The following MAML3 variants were observed in gnomAD, a reference collection of about 807,000 sequenced individuals.
MAML3 encodes the protein mastermind-like protein 3.
MAML3 carries 27 observed loss-of-function variants against 101.9 expected under a neutral mutation model. The ratio of observed to expected loss-of-function variants is 0.27; its 90% confidence interval spans 0.20 to 0.37. The LOEUF is 0.37. MAML3 is among the 10% of genes least tolerant of loss of function. The pLI is 1.00. For synonymous variants in MAML3, 501 were observed against 555.9 expected (o/e 0.90, Z 1.39); for missense variants, 1,316 against 1,444.9 (o/e 0.91, Z 1.45).
chr4:140,071,906 G>A (rs1329957324), intron 1 of MAML3, among the ~76,000 whole-genome samples: 1 of 152,116 alleles, frequency 6.6e-6, no homozygotes, highest in African/African-American at 2.4e-5. Context: ...GGTGTGGGGT[G>A]CAAGAATGTC....
intron 1 of MAML3, among the ~76,000 whole-genome samples, chr4:140,074,195 GAA>G (rs1386067557): frequency 1.1e-4 from 13 of 122,848 alleles, no homozygotes; most frequent in African/African-American, 3.9e-4. Context: ...GAGAGAGAAA[GAA>G]AGAGAAAGAA....
intron 2 of MAML3, chr4:139,794,505 C>G (rs1166148031): frequency 1.3e-5 from 2 of 152,252 alleles, no homozygotes; most frequent in Non-Finnish European, 2.9e-5. Context: ...TCTATATCAA[C>G]TCCCAGGCTT....
intron 1 of MAML3, among the ~76,000 whole-genome samples, chr4:140,076,843 CGTTTTTGTTTTTTTGTTGTT>C (rs1416318611): frequency 6.6e-6 from 1 of 152,044 alleles, no homozygotes; most frequent in Non-Finnish European, 1.5e-5. Context: ...AATCTTATCT[CGTTTTTGTTTTTTTGTTGTT>C]GTTTTTGTTT....
chr4:139,771,417 G>A (rs1238228053), intron 2 of MAML3, among the ~76,000 whole-genome samples: 1 of 152,206 alleles, frequency 6.6e-6, no homozygotes, highest in Non-Finnish European at 1.5e-5. Flanking sequence ...ACATCAGGTA[G>A]TGAAGAAGTT....
intron 1 of MAML3, among the ~76,000 whole-genome samples, chr4:139,999,150 G>A (rs1300247136): frequency 6.6e-6 from 1 of 152,006 alleles, no homozygotes; most frequent in African/African-American, 2.4e-5. Flanking sequence ...TGCATACGTG[G>A]GCAGCCTCAT....
intron 1 of MAML3, among the ~76,000 whole-genome samples, chr4:139,946,819 C>T (rs1733735834): frequency 6.6e-6 from 1 of 150,890 alleles, no homozygotes; most frequent in South Asian, 2.1e-4. Flanking sequence ...TCTAAAACTA[C>T]CTTATATCAA....
In MAML3 at chr4:139,735,155, T is replaced by C. The variant is rs889813270; in HGVS notation, c.2080-4488A>G. Among the ~76,000 whole-genome samples the C allele has an allele frequency of 3.9e-5, 6 of 152,326 alleles. No individual in the cohort carries two copies. The highest frequency in any genetic ancestry group is 3.4e-3 in the Middle Eastern group (1 of 294). On this transcript the variant is annotated intron_variant, in intron 2 of 4. Transcript: ENST00000509479. This position sits in a 1 kb window ranked among gnomAD's most constrained non-coding sequence, Gnocchi z 5.8. ...GTGTTACTGCGTACAGCAGGTAGCCTGGCAACTGAGAGCACAATACCGAGC... is the reference window on the plus strand; with the variant it reads ...GTGTTACTGCGTACAGCAGGTAGCCCGGCAACTGAGAGCACAATACCGAGC...
intron 1 of MAML3, among the ~76,000 whole-genome samples, chr4:139,932,015 G>A (rs1210358093): frequency 6.6e-6 from 1 of 151,202 alleles, no homozygotes; most frequent in East Asian, 1.9e-4. Context: ...ACAAAACTCT[G>A]TCTCAAAAAA....
At chr4:139,899,391 G>A (rs528360359) in intron 1 of MAML3, among the ~76,000 whole-genome samples, 54 of 152,184 alleles carry the variant, frequency 3.5e-4, no homozygotes, top group Non-Finnish European at 5.0e-4. Context: ...TCATAAAAAT[G>A]TGTATTTTTA....
chr4:140,119,141 C>T (rs949655378), intron 1 of MAML3, among the ~76,000 whole-genome samples: 1 of 152,156 alleles, frequency 6.6e-6, no homozygotes, highest in African/African-American at 2.4e-5. Flanking sequence ...GAATTCACCC[C>T]GATAAGGTCA....
rs190070794 is a variant in MAML3 at position 139,835,635 on chromosome 4, G to A, written c.2079+53722C>T. On this transcript the variant is annotated intron_variant, in intron 2 of 4. Transcript: ENST00000509479. ...TTGACTTCTCCAATTTATCAACGGG[G>A]ACCTGCCCTATTTTTACTCGGTGGC... is the stretch of plus-strand genomic sequence containing the variant. 1.9e-3 allele frequency among the ~76,000 whole-genome samples: 287 copies of A among 152,282 alleles called. 1 individual carries two copies. Among genetic ancestry groups the A allele is most frequent in the Admixed American group, 3.7e-3 (56 of 15,296 alleles).
At chr4:139,934,239 ATAAC>A (rs1293911988) in intron 1 of MAML3, among the ~76,000 whole-genome samples, 1 of 151,922 alleles carries the variant, frequency 6.6e-6, no homozygotes, top group African/African-American at 2.4e-5. Flanking sequence ...ATGTGAATGT[ATAAC>A]TATGCATGTG....
chr4:139,914,121 A>G (rs554698278), intron 1 of MAML3, among the ~76,000 whole-genome samples: 1 of 152,346 alleles, frequency 6.6e-6, no homozygotes, highest in South Asian at 2.1e-4. Context: ...TGAAAGGCAT[A>G]CAGTAAAAGT....
intron 2 of MAML3, among the ~76,000 whole-genome samples, chr4:139,863,143 CTGT>C: frequency 1.4e-5 from 1 of 71,638 alleles, no homozygotes; most frequent in Non-Finnish European, 2.5e-5. Context: ...GAGTGAGACT[CTGT>C]CTCCAAAAAA....
In MAML3 at chr4:139,725,747, T is replaced by G. The variant is rs1169490091; in HGVS notation, c.2416+4A>C. On this transcript the variant is annotated splice_donor_region_variant and intron_variant, in intron 4 of 4. Transcript: ENST00000509479. ...TAAAATGAGAGAGGTTGCACTGGCCTCACCTTGAAACTGATTGACCTGCTG... is the reference window on the plus strand; with the variant it reads ...TAAAATGAGAGAGGTTGCACTGGCCGCACCTTGAAACTGATTGACCTGCTG... The G allele has an allele frequency of 3.1e-6, 5 of 1,613,882 alleles. No individual in the cohort carries two copies. In the South Asian group the frequency reaches 5.5e-5, roughly 18 times the overall value.
chr4:140,019,296 GA>G (rs1179515256), intron 1 of MAML3, among the ~76,000 whole-genome samples: 2 of 152,198 alleles, frequency 1.3e-5, no homozygotes, highest in African/African-American at 4.8e-5. Flanking sequence ...AAGCCTGAGT[GA>G]AGTATACCTT....
intron 2 of MAML3, among the ~76,000 whole-genome samples, chr4:139,857,814 A>G (rs1456573803): frequency 6.6e-6 from 1 of 152,180 alleles, no homozygotes; most frequent in Non-Finnish European, 1.5e-5. Flanking sequence ...AGTCTTCCCT[A>G]CTTCGGGCAA....
chr4:139,768,045 C>T (rs1378039130), intron 2 of MAML3, among the ~76,000 whole-genome samples: 1 of 152,182 alleles, frequency 6.6e-6, no homozygotes, highest in African/African-American at 2.4e-5. Flanking sequence ...TCTTTGTTGG[C>T]CACTCATATG....
At chr4:139,792,607 G>A (rs958324550) in intron 2 of MAML3, among the ~76,000 whole-genome samples, 20 of 152,116 alleles carry the variant, frequency 1.3e-4, no homozygotes, top group Non-Finnish European at 1.3e-4. Context: ...AAAACAAATG[G>A]AATGTACAAA....
Sources: gnomAD v4.1 joint callset for allele counts (sites outside exome capture counted in the v4.1 genomes callset) on GRCh38, gnomAD v4.1.1 for gene constraint, Gnocchi (gnomAD v3.1) non-coding constraint, MANE v1.5 for transcripts, NCBI Gene and HGNC (gene_info 2026-07-23, HGNC 2026-07-21) for gene names.